USH2A: variants seen among roughly 807,000 people sequenced by gnomAD.
The protein encoded by USH2A is usherin.
In USH2A, 443 loss-of-function variants were observed where a neutral mutation model predicts 538.9. That is an observed-to-expected ratio of 0.82 (90% CI 0.76 to 0.89). The LOEUF is 0.89. USH2A is among the 40% of genes least tolerant of loss of function. The pLI is 0.00. For missense variants in USH2A, 6,633 were observed against 6,324.8 expected (o/e 1.05, Z -1.65); for synonymous variants, 2,413 against 2,273.5 (o/e 1.06, Z -1.75).
At chr1:216,274,560 C>T (rs989717829) in intron 11 of USH2A, among the ~76,000 whole-genome samples, 1 of 152,032 alleles carries the variant, frequency 6.6e-6, no homozygotes, top group African/African-American at 2.4e-5. Flanking sequence ...AACAGGCTAC[C>T]TTCGTAAGGA....
At chr1:216,143,085 T>C (rs2033630718) in intron 21 of USH2A, among the ~76,000 whole-genome samples, 1 of 152,142 alleles carries the variant, frequency 6.6e-6, no homozygotes, top group Non-Finnish European at 1.5e-5. Flanking sequence ...CCCTTCATCA[T>C]TTTTTTGTTG....
At chr1:216,316,048 G>A (rs1193788107) in intron 9 of USH2A, among the ~76,000 whole-genome samples, 2 of 152,026 alleles carry the variant, frequency 1.3e-5, no homozygotes, top group South Asian at 4.1e-4. Context: ...TATGAGTGAA[G>A]TATTTATGGT....
chr1:216,051,016 T>C (rs2030766449), intron 30 of USH2A, among the ~76,000 whole-genome samples: 1 of 152,160 alleles, frequency 6.6e-6, no homozygotes. Flanking sequence ...CATTGAACTT[T>C]TTAGTTGTTC....
intron 21 of USH2A, among the ~76,000 whole-genome samples, chr1:216,150,107 C>T (rs543752643): frequency 6.6e-6 from 1 of 152,146 alleles, no homozygotes; most frequent in Non-Finnish European, 1.5e-5. Context: ...TAGGCCGAGC[C>T]CCAAAAAACT....
intron 3 of USH2A, among the ~76,000 whole-genome samples, chr1:216,369,859 G>A (rs556020489): frequency 3.4e-5 from 5 of 147,496 alleles, no homozygotes; most frequent in African/African-American, 1.3e-4. Flanking sequence ...GGAGGCAGAG[G>A]TTGCAGTGAG....
intron 3 of USH2A, among the ~76,000 whole-genome samples, chr1:216,382,542 A>G (rs1335591915): frequency 6.6e-6 from 1 of 152,212 alleles, no homozygotes; most frequent in Non-Finnish European, 1.5e-5. Context: ...TAAAACTAAG[A>G]AAAATCATAC....
chr1:216,022,765 A>C (rs966951787), intron 32 of USH2A, among the ~76,000 whole-genome samples: 2 of 152,154 alleles, frequency 1.3e-5, no homozygotes, highest in Non-Finnish European at 2.9e-5. Context: ...CTACCTAGCA[A>C]AGCAGTCCTG....
At chr1:216,154,899 G>A (rs1205688074) in intron 21 of USH2A, among the ~76,000 whole-genome samples, 1 of 143,206 alleles carries the variant, frequency 7.0e-6, no homozygotes. Context: ...GTGTGTGCCA[G>A]CCTTTTGTAT....
intron 34 of USH2A, among the ~76,000 whole-genome samples, chr1:215,996,570 T>G (rs972812103): frequency 5.8e-4 from 55 of 94,224 alleles, no homozygotes; most frequent in African/African-American, 1.9e-3. Context: ...GTTTTTTTTT[T>G]TTTTTTTTTT....
chr1:215,996,573 T>G lies in USH2A; in HGVS notation c.6657+2314A>C, dbSNP rs1476578904. Among the ~76,000 whole-genome samples the G allele has an allele frequency of 1.9e-4, 18 of 96,138 alleles. No homozygotes were observed. The South Asian group carries it at 2.0e-3, about 11-fold the overall frequency. The allele number at this position is 96,138 out of a possible 152,430, so 63.1% of individuals were successfully genotyped here. A position where few individuals can be genotyped will look rare whatever the true frequency, so the allele number is the denominator to read the frequency against. On this transcript the variant is annotated intron_variant, in intron 34 of 71. Transcript: ENST00000307340. Reference sequence around the variant, plus strand: ...GCAACATATTATGTTTTTTTTTTTTTTTTTTTTTTTTTTTTTTTTTTTGCA... The same window carrying G: ...GCAACATATTATGTTTTTTTTTTTTGTTTTTTTTTTTTTTTTTTTTTTGCA...
intron 21 of USH2A, among the ~76,000 whole-genome samples, chr1:216,121,294 A>T (rs982595911): frequency 6.6e-6 from 1 of 152,226 alleles, no homozygotes; most frequent in African/African-American, 2.4e-5. Flanking sequence ...TCCTTCAGTA[A>T]TGATAAATTT....
intron 47 of USH2A, among the ~76,000 whole-genome samples, chr1:215,818,459 A>C (rs776142311): frequency 9.9e-5 from 15 of 151,824 alleles, no homozygotes; most frequent in Non-Finnish European, 1.8e-4. Flanking sequence ...TTTTGGTGAA[A>C]AATATAGAAC....
chr1:216,273,226 G>A (rs889752848), intron 11 of USH2A, among the ~76,000 whole-genome samples: 5 of 152,046 alleles, frequency 3.3e-5, no homozygotes, highest in Non-Finnish European at 5.9e-5. Flanking sequence ...GAGCCAATTT[G>A]AAAATGGGCG....
intron 40 of USH2A, among the ~76,000 whole-genome samples, chr1:215,899,329 C>T (rs1166579428): frequency 6.6e-6 from 1 of 152,108 alleles, no homozygotes; most frequent in Admixed American, 6.6e-5. Flanking sequence ...CTCAAAAAAC[C>T]TAACTGTTCA....
chr1:215,868,863 T>C (rs1443442831), intron 43 of USH2A, among the ~76,000 whole-genome samples: 1 of 152,232 alleles, frequency 6.6e-6, no homozygotes, highest in African/African-American at 2.4e-5. Flanking sequence ...GAAAGGGTTC[T>C]TCTACAGAGC....
At chr1:216,070,053 A>G (rs779483679) in intron 30 of USH2A, 48 bp downstream of exon 30, 8 of 1,601,774 alleles carry the variant, frequency 5.0e-6, no homozygotes, top group Non-Finnish European at 8.5e-7. Flanking sequence ...TAAAATGCAA[A>G]CAAAAAGGAA....
chr1:216,159,886 T>C (rs941860669), intron 21 of USH2A, among the ~76,000 whole-genome samples: 1 of 152,136 alleles, frequency 6.6e-6, no homozygotes, highest in Non-Finnish European at 1.5e-5. Context: ...CAGTTTAAAT[T>C]TGGAGATTTT....
chr1:216,177,034 T>C (rs112784690), intron 20 of USH2A, among the ~76,000 whole-genome samples: 1,814 of 152,296 alleles, frequency 0.012, 28 homozygotes, highest in African/African-American at 0.041. Flanking sequence ...GTACATCTAA[T>C]TATATATCAG....
chr1:215,915,773 A>C (rs865890899), intron 38 of USH2A, among the ~76,000 whole-genome samples: 32 of 151,874 alleles, frequency 2.1e-4, no homozygotes, highest in South Asian at 1.0e-3. Context: ...AATAGCAAAG[A>C]CTTGGAACCA....
Sources: gnomAD v4.1 joint callset for allele counts (sites outside exome capture counted in the v4.1 genomes callset) on GRCh38, gnomAD v4.1.1 for gene constraint, MANE v1.5 for transcripts, NCBI Gene and HGNC (gene_info 2026-07-23, HGNC 2026-07-21) for gene names.